F13A1: variants seen among roughly 807,000 people sequenced by gnomAD.
F13A1 encodes coagulation factor XIII A chain, also known as FSF, A subunit.
F13A1 carries 47 observed loss-of-function variants against 80.1 expected under a neutral mutation model. That is an observed-to-expected ratio of 0.59 (90% CI 0.46 to 0.75). The LOEUF (loss-of-function observed/expected upper bound fraction) is 0.75. Among genes scored for constraint, F13A1 ranks in the 30% least tolerant of loss-of-function variants. The pLI is 0.00. For synonymous variants in F13A1, 349 were observed against 344.9 expected (o/e 1.01, Z -0.13); for missense variants, 817 against 930.4 (o/e 0.88, Z 1.59).
intron 2 of F13A1, among the ~76,000 whole-genome samples, chr6:6,318,189 A>G (rs1758713198): frequency 1.3e-5 from 2 of 152,236 alleles, no homozygotes; most frequent in African/African-American, 4.8e-5. Flanking sequence ...TATTCCAGCT[A>G]GAGAAAATTC....
intron 2 of F13A1, among the ~76,000 whole-genome samples, chr6:6,308,713 A>G (rs1758549485): frequency 6.7e-6 from 1 of 149,830 alleles, no homozygotes; most frequent in African/African-American, 2.5e-5. Flanking sequence ...CCCGGGTTCA[A>G]GCAATTCTCA....
At chr6:6,311,777 A>G (rs1205260225) in intron 2 of F13A1, among the ~76,000 whole-genome samples, 1 of 144,798 alleles carries the variant, frequency 6.9e-6, no homozygotes, top group Non-Finnish European at 1.5e-5. Context: ...TATATATTAT[A>G]TATTATTTAT....
chr6:6,298,232 G>T (rs1167370414), intron 3 of F13A1, among the ~76,000 whole-genome samples: 310 of 138,156 alleles, frequency 2.2e-3, no homozygotes, highest in African/African-American at 4.1e-3. Context: ...CTGTTGATTT[G>T]GGGTGGAGAG....
At chr6:6,245,567 G>A (rs947126559) in intron 6 of F13A1, among the ~76,000 whole-genome samples, 1 of 152,172 alleles carries the variant, frequency 6.6e-6, no homozygotes, top group African/African-American at 2.4e-5. Context: ...CACAATTTGG[G>A]TTATCGGTGC....
At chr6:6,245,965 C>T (rs1205719332) in intron 6 of F13A1, among the ~76,000 whole-genome samples, 1 of 152,198 alleles carries the variant, frequency 6.6e-6, no homozygotes, top group African/African-American at 2.4e-5. Context: ...AACTCTGCAC[C>T]AGCCTCTGTT....
intron 6 of F13A1, among the ~76,000 whole-genome samples, chr6:6,246,434 C>G (rs776325747): frequency 6.6e-6 from 1 of 152,138 alleles, no homozygotes; most frequent in Admixed American, 6.5e-5. Context: ...AAGGGTATGA[C>G]GGAAATGGAA....
chr6:6,239,805 C>G (rs1465950105), intron 6 of F13A1, among the ~76,000 whole-genome samples: 4 of 151,646 alleles, frequency 2.6e-5, no homozygotes, highest in Non-Finnish European at 5.9e-5. Context: ...TGGTATAGAA[C>G]AGGCCTCAAA....
chr6:6,320,640 C>T lies in F13A1; in HGVS notation c.-72G>A, dbSNP rs1402252887. ...TCGCGTGGGCTTGCTCTGTGCGCCT[C>T]GGGGACTTCCTCAAACGGACTCGGG... On this transcript the variant is annotated 5_prime_UTR_variant, in exon 1 of 15. Transcript: ENST00000264870. 1 of 470,436 alleles carries T rather than the reference C, an allele frequency of 2.1e-6. No homozygotes were observed. Among genetic ancestry groups the T allele is most frequent in the Non-Finnish European group, 4.4e-6 (1 of 226,708 alleles). The allele number at this position is 470,436 out of a possible 1,614,324, so 29.1% of individuals were successfully genotyped here.
rs1471489010 is a variant in F13A1 at position 6,296,918 on chromosome 6, C to T, written c.319+8433G>A. ...TAGCTCTTATTATTTTGAAATACAT[C>T]CCATCAATACCTAATTTATTGAGAG... On this transcript the variant is annotated intron_variant, in intron 3 of 14. Coordinates refer to ENST00000264870, the MANE Select transcript of F13A1 (RefSeq NM_000129.4). 2.0e-5 allele frequency among the ~76,000 whole-genome samples: 3 copies of T among 148,462 alleles called. No individual in the cohort carries two copies. The East Asian group carries it at 5.8e-4, about 29-fold the overall frequency.
At chr6:6,290,503 T>C (rs2113156158) in intron 3 of F13A1, among the ~76,000 whole-genome samples, 1 of 152,352 alleles carries the variant, frequency 6.6e-6, no homozygotes, top group African/African-American at 2.4e-5. Context: ...ATTATTGGGC[T>C]AAACAAGATT....
At chr6:6,260,148 C>T (rs148107240) in intron 4 of F13A1, among the ~76,000 whole-genome samples, 14 of 152,300 alleles carry the variant, frequency 9.2e-5, no homozygotes, top group African/African-American at 2.9e-4. Flanking sequence ...CACCACTAAA[C>T]TAAAAACTAA....
chr6:6,245,744 T>C (rs1757546532), intron 6 of F13A1, among the ~76,000 whole-genome samples: 1 of 152,200 alleles, frequency 6.6e-6, no homozygotes. Flanking sequence ...CAAAGACTGG[T>C]CTGCTCATCC....
intron 3 of F13A1, among the ~76,000 whole-genome samples, chr6:6,268,687 A>AT (rs71540894): frequency 0.017 from 2,375 of 137,346 alleles, 33 homozygotes; most frequent in African/African-American, 0.04. Context: ...GGGGGCACTC[A>AT]TTTTTTTTTT....
chr6:6,158,434 G>T (rs1760514978), intron 13 of F13A1, among the ~76,000 whole-genome samples: 1 of 152,178 alleles, frequency 6.6e-6, no homozygotes, highest in Non-Finnish European at 1.5e-5. Context: ...TAGCATTAAT[G>T]AAATATGAGG....
chr6:6,260,670 A>T (rs2113116258), intron 4 of F13A1, among the ~76,000 whole-genome samples: 1 of 152,224 alleles, frequency 6.6e-6, no homozygotes, highest in South Asian at 2.1e-4. Context: ...CCACACAATA[A>T]GTGGGGAGAT....
At chr6:6,175,590 G>A (rs981583550) in intron 11 of F13A1, among the ~76,000 whole-genome samples, 15 of 152,322 alleles carry the variant, frequency 9.8e-5, no homozygotes, top group African/African-American at 1.9e-4. Flanking sequence ...GTTGTCCAGC[G>A]CCTCCTGGAG....
chr6:6,228,859 T>C (rs1250007957), intron 6 of F13A1, among the ~76,000 whole-genome samples: 1 of 151,462 alleles, frequency 6.6e-6, no homozygotes, highest in African/African-American at 2.4e-5. Context: ...TGGAACACAA[T>C]TGGGAAATAA....
At chr6:6,302,895 G>T (rs1284225876) in intron 3 of F13A1, among the ~76,000 whole-genome samples, 2 of 152,090 alleles carry the variant, frequency 1.3e-5, no homozygotes, top group African/African-American at 4.8e-5. Flanking sequence ...CCAGTTTTTA[G>T]TTAAGTCTGT....
chr6:6,180,023 G>A (rs1307881114), intron 11 of F13A1, among the ~76,000 whole-genome samples: 1 of 152,126 alleles, frequency 6.6e-6, no homozygotes, highest in Non-Finnish European at 1.5e-5. Context: ...AGCTGTGCTC[G>A]GCTCCATGGT....
Sources: allele counts gnomAD v4.1 joint callset (sites outside exome capture counted in the v4.1 genomes callset), GRCh38; gene constraint gnomAD v4.1.1; transcripts MANE v1.5; gene names NCBI Gene and HGNC (gene_info 2026-07-23, HGNC 2026-07-21).